ZNF362: variants seen among roughly 807,000 people sequenced by gnomAD.
ZNF362 encodes rotund homolog.
Under a neutral mutation model 42.9 loss-of-function variants are expected in ZNF362, and 11 were observed. The observed-to-expected ratio is 0.26, with a 90% confidence interval of 0.16 to 0.42. The LOEUF (loss-of-function observed/expected upper bound fraction) is 0.42, where lower values mean the gene tolerates loss of function less well. Ranked by LOEUF, ZNF362 falls within the 20% of genes least tolerant of loss-of-function variation. The pLI is 1.00. For missense variants in ZNF362, 362 were observed against 576.2 expected (o/e 0.63, Z 3.81); for synonymous variants, 255 against 257.3 (o/e 0.99, Z 0.09).
At chr1:33,287,226 AG>A (rs1420963085) in intron 6 of ZNF362, among the ~76,000 whole-genome samples, 2 of 152,242 alleles carry the variant, frequency 1.3e-5, no homozygotes, top group African/African-American at 4.8e-5. Flanking sequence ...TGTATGTGTA[AG>A]GGTCGTCTGT....
intron 4 of ZNF362, among the ~76,000 whole-genome samples, chr1:33,279,477 GTTTT>G (rs779593225): frequency 7.2e-6 from 1 of 139,620 alleles, no homozygotes; most frequent in Non-Finnish European, 1.6e-5. Flanking sequence ...CAAATTTTTA[GTTTT>G]TTTTTTTTTA....
At chr1:33,191,668 C>A in the ZNF362 span, among the ~76,000 whole-genome samples, 2 of 152,030 alleles carry the variant, frequency 1.3e-5, no homozygotes, top group Non-Finnish European at 2.9e-5. Context: ...CCACACCTGG[C>A]TAATTTTTGT....
At chr1:33,177,044 C>CAT in the ZNF362 span, among the ~76,000 whole-genome samples, 3 of 57,976 alleles carry the variant, frequency 5.2e-5, no homozygotes, top group African/African-American at 1.8e-4. This position sits in a 1 kb window ranked among gnomAD's most constrained non-coding sequence, Gnocchi z 4.1. Flanking sequence ...CACATGCACA[C>CAT]ACACACGCAC....
At chr1:33,241,914 C>T in the ZNF362 span, among the ~76,000 whole-genome samples, 1 of 152,128 alleles carries the variant, frequency 6.6e-6, no homozygotes, top group Non-Finnish European at 1.5e-5. Context: ...CAACCCCCAA[C>T]CCCCAACCCC....
chr1:33,218,445 A>T, the ZNF362 span, among the ~76,000 whole-genome samples: 1 of 152,106 alleles, frequency 6.6e-6, no homozygotes, highest in East Asian at 1.9e-4. Flanking sequence ...AAAAAATGTG[A>T]ATATTAAAAT....
chr1:33,289,426 C>T (rs748998681), intron 6 of ZNF362, among the ~76,000 whole-genome samples: 26 of 152,058 alleles, frequency 1.7e-4, no homozygotes, highest in Non-Finnish European at 3.7e-4. Context: ...CAGCTTCAGC[C>T]GTGCCGAGGC....
At chr1:33,227,319 A>C in the ZNF362 span, among the ~76,000 whole-genome samples, 1 of 152,120 alleles carries the variant, frequency 6.6e-6, no homozygotes, top group African/African-American at 2.4e-5. Flanking sequence ...TGACCAATAG[A>C]GTATGGTGGA....
chr1:33,204,833 A>T, the ZNF362 span, among the ~76,000 whole-genome samples: 2 of 152,218 alleles, frequency 1.3e-5, no homozygotes, highest in African/African-American at 4.8e-5. Context: ...AGGATACAAA[A>T]TTAATATGTA....
the ZNF362 span, chr1:33,147,433 A>G: frequency 3.1e-6 from 5 of 1,614,062 alleles, no homozygotes; most frequent in South Asian, 2.2e-5. The surrounding 1 kb of genome is among the most constrained non-coding windows in gnomAD (Gnocchi z 8.1). Flanking sequence ...GCCATCGTGC[A>G]TCACGATGCA....
chr1:33,165,586 G>A, the ZNF362 span: 5 of 1,591,146 alleles, frequency 3.1e-6, no homozygotes, highest in Non-Finnish European at 4.3e-6. This position sits in a 1 kb window ranked among gnomAD's most constrained non-coding sequence, Gnocchi z 4.0. Flanking sequence ...ACACAGGGCC[G>A]GGATGGGGGC....
intron 1 of ZNF362, among the ~76,000 whole-genome samples, chr1:33,265,599 G>C (rs1645860088): frequency 6.6e-6 from 1 of 152,100 alleles, no homozygotes; most frequent in Admixed American, 6.5e-5. Context: ...CTGGGGCTCA[G>C]GGTTCTAGCT....
intron 6 of ZNF362, among the ~76,000 whole-genome samples, chr1:33,285,814 G>A (rs1176407559): frequency 1.3e-5 from 2 of 152,176 alleles, no homozygotes; most frequent in East Asian, 1.9e-4. Flanking sequence ...TGTAATCACA[G>A]CACTTTGGGA....
At chr1:33,140,675 T>C in the ZNF362 span, among the ~76,000 whole-genome samples, 1 of 152,244 alleles carries the variant, frequency 6.6e-6, no homozygotes, top group African/African-American at 2.4e-5. The surrounding 1 kb of genome is among the most constrained non-coding windows in gnomAD (Gnocchi z 4.0). Context: ...CTCCAGCAGC[T>C]GCCTGGGCTG....
rs1223072169 is a variant in ZNF362 at position 33,281,147 on chromosome 1, A to C, written c.684-440A>C. ...CAGAAAATGCGGATGCCAGGGCTGC[A>C]TCTCCAGGAATTCTGAGTTAATTTT... On this transcript the variant is annotated intron_variant, in intron 5 of 8. Coordinates refer to ENST00000539719, the MANE Select transcript of ZNF362 (RefSeq NM_152493.3). The surrounding 1 kb of genome is among the most constrained non-coding windows in gnomAD (Gnocchi z 4.8). Among the ~76,000 whole-genome samples, 1 of 152,228 alleles carries C rather than the reference A, an allele frequency of 6.6e-6. No individual in the cohort carries two copies. Among genetic ancestry groups the C allele is most frequent in the East Asian group, 1.9e-4 (1 of 5,190 alleles).
chr1:33,203,738 T>A, the ZNF362 span, among the ~76,000 whole-genome samples: 128 of 152,364 alleles, frequency 8.4e-4, no homozygotes, highest in African/African-American at 3.0e-3. Context: ...TGAACACCTT[T>A]TCATACACGT....
the ZNF362 span, among the ~76,000 whole-genome samples, chr1:33,177,071 A>ACACATGCATGCACACATG: frequency 4.5e-4 from 5 of 11,114 alleles, no homozygotes; most frequent in African/African-American, 8.8e-4. This position sits in a 1 kb window ranked among gnomAD's most constrained non-coding sequence, Gnocchi z 4.1. Flanking sequence ...ACACATGCAC[A>ACACATGCATGCACACATG]CACACACATG....
the ZNF362 span, among the ~76,000 whole-genome samples, chr1:33,231,970 G>T: frequency 6.6e-6 from 1 of 152,108 alleles, no homozygotes; most frequent in African/African-American, 2.4e-5. Flanking sequence ...TTGGTTCTTG[G>T]AGTCACAGAT....
the ZNF362 span, among the ~76,000 whole-genome samples, chr1:33,127,979 C>G: frequency 6.6e-6 from 1 of 152,112 alleles, no homozygotes; most frequent in Non-Finnish European, 1.5e-5. Flanking sequence ...GCTGTGTATC[C>G]TGGCCTAAGT....
Position 33,299,324 on chromosome 1 carries a change from T to G in ZNF362, c.*278T>G. 3.3e-6 allele frequency: 1 copy of G among 301,102 alleles called. No individual in the cohort carries two copies. The highest frequency in any genetic ancestry group is 6.0e-6 in the Non-Finnish European group (1 of 165,378). The allele number at this position is 301,102 out of a possible 1,614,324, so 18.7% of individuals were successfully genotyped here. On this transcript the variant is annotated 3_prime_UTR_variant, in exon 9 of 9. Coordinates refer to ENST00000539719, the MANE Select transcript of ZNF362 (RefSeq NM_152493.3). ...TTTCTTTTTGTTCCCCACCCTTCAC[T>G]TGCTTCACTGTTTTTTTTTTTTTCG...
Sources: allele counts gnomAD v4.1 joint callset (sites outside exome capture counted in the v4.1 genomes callset), GRCh38; gene constraint gnomAD v4.1.1; non-coding constraint Gnocchi (gnomAD v3.1); transcripts MANE v1.5; gene names NCBI Gene and HGNC (gene_info 2026-07-23, HGNC 2026-07-21).